The following RBMS3 variants were observed in gnomAD, a reference collection of about 807,000 sequenced individuals.
The protein encoded by RBMS3 is RNA binding motif single stranded interacting protein 3.
A neutral mutation model predicts 66.8 loss-of-function variants in RBMS3; 27 were observed. The observed-to-expected ratio is 0.40, with a 90% confidence interval of 0.30 to 0.56. RBMS3 has a LOEUF of 0.56. Ranked by LOEUF, RBMS3 falls within the 20% of genes least tolerant of loss-of-function variation. RBMS3 has a pLI of 0.40. For synonymous variants in RBMS3, 188 were observed against 183.0 expected (o/e 1.03, Z -0.22); for missense variants, 513 against 549.5 (o/e 0.93, Z 0.66).
intron 1 of RBMS3, among the ~76,000 whole-genome samples, chr3:29,285,150 T>C (rs2032193109): frequency 6.8e-6 from 1 of 147,842 alleles, no homozygotes; most frequent in African/African-American, 2.5e-5. Context: ...TATCACCCTT[T>C]CCAAAAAAAA....
chr3:29,398,386 T>A (rs886662744), intron 1 of RBMS3, among the ~76,000 whole-genome samples: 32 of 152,140 alleles, frequency 2.1e-4, no homozygotes, highest in Non-Finnish European at 4.0e-4. Context: ...GAGAGGCAAA[T>A]TCCTCTCCCT....
intron 11 of RBMS3, among the ~76,000 whole-genome samples, chr3:29,940,759 A>C (rs1201278258): frequency 3.4e-5 from 1 of 29,332 alleles, no homozygotes; most frequent in Non-Finnish European, 1.9e-4. Flanking sequence ...TGCAGGCCTC[A>C]AAAAAAAAAA....
chr3:29,793,941 C>G (rs1423732792), intron 6 of RBMS3, among the ~76,000 whole-genome samples: 1 of 152,170 alleles, frequency 6.6e-6, no homozygotes, highest in African/African-American at 2.4e-5. Context: ...TAAATGAGTT[C>G]TCACTCTAAG....
At chr3:29,605,323 T>C (rs1432001410) in intron 4 of RBMS3, among the ~76,000 whole-genome samples, 1 of 151,892 alleles carries the variant, frequency 6.6e-6, no homozygotes, top group Non-Finnish European at 1.5e-5. Context: ...TTGTATACGC[T>C]GTTAACAAAG....
chr3:29,937,810 T>G (rs144100872), intron 11 of RBMS3, among the ~76,000 whole-genome samples: 143 of 152,106 alleles, frequency 9.4e-4, no homozygotes, highest in African/African-American at 3.3e-3. Flanking sequence ...TGTAATTATT[T>G]TGTGCGTTAC....
intron 4 of RBMS3, among the ~76,000 whole-genome samples, chr3:29,660,609 G>GT (rs200467014): frequency 0.082 from 12,405 of 151,372 alleles, 570 homozygotes; most frequent in African/African-American, 0.098. Flanking sequence ...GGTTAGCTGG[G>GT]TTTTTTTTTA....
chr3:29,549,631 C>G (rs971280354), intron 3 of RBMS3, among the ~76,000 whole-genome samples: 19 of 151,892 alleles, frequency 1.3e-4, no homozygotes, highest in African/African-American at 4.6e-4. Flanking sequence ...AACACCTGAC[C>G]TCAGGTGATT....
intron 4 of RBMS3, among the ~76,000 whole-genome samples, chr3:29,710,572 G>A (rs753708830): frequency 2.6e-5 from 4 of 152,122 alleles, no homozygotes; most frequent in Non-Finnish European, 4.4e-5. Context: ...TATACTGAAC[G>A]TTTATGGGTG....
intron 12 of RBMS3, among the ~76,000 whole-genome samples, chr3:29,950,540 T>C (rs917882674): frequency 6.6e-6 from 1 of 151,824 alleles, no homozygotes; most frequent in Non-Finnish European, 1.5e-5. Context: ...TAGTCAGGAA[T>C]TGACTATGTA....
At chr3:29,897,353 TCTTC>T (rs1245666262) in intron 8 of RBMS3, 22 bp from the exon 9 acceptor site, 1 of 1,597,224 alleles carries the variant, frequency 6.3e-7, no homozygotes, top group Non-Finnish European at 8.6e-7. Context: ...GCTTCGTGAA[TCTTC>T]CTTTTTGTTT....
intron 6 of RBMS3, among the ~76,000 whole-genome samples, chr3:29,782,000 C>G (rs1226720406): frequency 1.4e-5 from 2 of 147,594 alleles, no homozygotes; most frequent in Non-Finnish European, 3.0e-5. Context: ...CAAGGAAAGA[C>G]TGAACTCAGA....
At chr3:29,970,711 A>G (rs1697173015) in intron 12 of RBMS3, among the ~76,000 whole-genome samples, 1 of 152,198 alleles carries the variant, frequency 6.6e-6, no homozygotes, top group East Asian at 1.9e-4. Flanking sequence ...AAGGGCATTA[A>G]TAATCACTTT....
At chr3:29,612,077 A>G (rs192021307) in intron 4 of RBMS3, among the ~76,000 whole-genome samples, 36 of 152,120 alleles carry the variant, frequency 2.4e-4, no homozygotes, top group Middle Eastern at 3.4e-3. Context: ...TATAATATCT[A>G]TGTCATAGGG....
At chr3:29,572,332 A>T (rs1489467235) in intron 3 of RBMS3, among the ~76,000 whole-genome samples, 2 of 152,108 alleles carry the variant, frequency 1.3e-5, no homozygotes, top group Non-Finnish European at 2.9e-5. Context: ...GGTGAATGTG[A>T]ATATCCTTGT....
intron 6 of RBMS3, among the ~76,000 whole-genome samples, chr3:29,829,931 C>T (rs941295090): frequency 5.3e-5 from 8 of 152,102 alleles, no homozygotes; most frequent in Non-Finnish European, 1.0e-4. Flanking sequence ...ATTATTATGT[C>T]GCTTCCTGTC....
intron 6 of RBMS3, among the ~76,000 whole-genome samples, chr3:29,775,160 GAACCTAC>G (rs1270190478): frequency 1.3e-5 from 2 of 151,628 alleles, no homozygotes; most frequent in Admixed American, 1.3e-4. Flanking sequence ...CTTATTTTGA[GAACCTAC>G]GTATGTTCTA....
intron 4 of RBMS3, among the ~76,000 whole-genome samples, chr3:29,668,347 C>T (rs1559552008): frequency 6.6e-6 from 1 of 152,216 alleles, no homozygotes; most frequent in Non-Finnish European, 1.5e-5. Flanking sequence ...CTACTCAGAA[C>T]TGCCACCAAT....
At chr3:29,745,159 A>C (rs2054828865) in intron 5 of RBMS3, among the ~76,000 whole-genome samples, 3 of 152,236 alleles carry the variant, frequency 2.0e-5, no homozygotes, top group Admixed American at 1.3e-4. Flanking sequence ...TGGGGCGCAC[A>C]GACAGCAAAA....
intron 3 of RBMS3, among the ~76,000 whole-genome samples, chr3:29,566,045 TA>T (rs2046730689): frequency 6.6e-6 from 1 of 152,230 alleles, no homozygotes; most frequent in Admixed American, 6.5e-5. Flanking sequence ...GAAAGGCTTT[TA>T]ATTTGTTAGG....
Sources: allele counts gnomAD v4.1 joint callset (sites outside exome capture counted in the v4.1 genomes callset), GRCh38; gene constraint gnomAD v4.1.1; transcripts MANE v1.5; gene names NCBI Gene and HGNC (gene_info 2026-07-23, HGNC 2026-07-21).